Variants in FA2H observed in about 807,000 individuals in gnomAD.
The protein encoded by FA2H is fatty acid alpha-hydroxylase.
Under a neutral mutation model 44.9 loss-of-function variants are expected in FA2H, and 22 were observed. The observed-to-expected ratio is 0.49, with a 90% CI of 0.35 to 0.70. The LOEUF (loss-of-function observed/expected upper bound fraction) is 0.70, where lower values mean the gene tolerates loss of function less well. Among genes scored for constraint, FA2H ranks in the 30% least tolerant of loss-of-function variants. The pLI is 0.01. For synonymous variants in FA2H, 243 were observed against 213.2 expected (o/e 1.14, Z -1.22); for missense variants, 501 against 504.9 (o/e 0.99, Z 0.07).
intron 2 of FA2H, among the ~76,000 whole-genome samples, chr16:74,732,472 T>C (rs1270374328): frequency 6.6e-6 from 1 of 152,020 alleles, no homozygotes; most frequent in African/African-American, 2.4e-5. Context: ...AGTCTCACTC[T>C]GTCACCCAGG....
chr16:74,759,551 C>A (rs1041510448), intron 1 of FA2H, among the ~76,000 whole-genome samples: 1 of 152,220 alleles, frequency 6.6e-6, no homozygotes, highest in African/African-American at 2.4e-5. Context: ...GTGTCACCCA[C>A]ATGTACTTCC....
chr16:74,725,630 C>A (rs1418197750), intron 4 of FA2H, among the ~76,000 whole-genome samples: 1 of 152,182 alleles, frequency 6.6e-6, no homozygotes, highest in Admixed American at 6.5e-5. Flanking sequence ...AATGACAGGA[C>A]CCTTCTTATG....
chr16:74,764,357 GTACATATACACCATGGAATACTA>G (rs1962767437), intron 1 of FA2H, among the ~76,000 whole-genome samples: 1 of 152,120 alleles, frequency 6.6e-6, no homozygotes, highest in Non-Finnish European at 1.5e-5. Flanking sequence ...AGAAAATGTG[GTACATATACACCATGGAATACTA>G]TACAGCCACA....
chr16:74,746,062 C>T (rs968952288), intron 1 of FA2H, among the ~76,000 whole-genome samples: 1 of 151,460 alleles, frequency 6.6e-6, no homozygotes, highest in African/African-American at 2.4e-5. Context: ...CCGCCTCGGC[C>T]TCCTTGGGAT....
chr16:74,719,212 AGCTCCAGGTGTC>A, intron 4 of FA2H, 52 bp from the exon 5 acceptor site: 1 of 1,538,428 alleles, frequency 6.5e-7, no homozygotes, highest in Non-Finnish European at 8.9e-7. Context: ...GCAGCCTGGT[AGCTCCAGGTGTC>A]CCTGCCTCAC....
At chr16:74,744,786 A>G (rs1054915500) in intron 1 of FA2H, among the ~76,000 whole-genome samples, 6 of 151,912 alleles carry the variant, frequency 3.9e-5, no homozygotes, top group Non-Finnish European at 7.4e-5. Context: ...GGGTCTTGCT[A>G]TGTTGCCCAG....
intron 1 of FA2H, among the ~76,000 whole-genome samples, chr16:74,767,387 C>G (rs1962829108): frequency 1.3e-5 from 2 of 152,034 alleles, no homozygotes; most frequent in South Asian, 4.1e-4. Flanking sequence ...ACAATGGAGA[C>G]TGAGAAGTCA....
intron 3 of FA2H, 44 bp downstream of exon 3, chr16:74,727,200 C>G: frequency 6.2e-7 from 1 of 1,613,338 alleles, no homozygotes; most frequent in Non-Finnish European, 8.5e-7. Flanking sequence ...TTGGCACCGT[C>G]AGAAGAGAGG....
chr16:74,774,423 C>T, intron 1 of FA2H, 63 bp downstream of exon 1: 5 of 1,433,690 alleles, frequency 3.5e-6, no homozygotes, highest in Non-Finnish European at 4.6e-6. Flanking sequence ...GAACGGGGCT[C>T]GCCCGGGAGT....
chr16:74,727,287 G>T lies in FA2H; in HGVS notation c.463C>A (p.Leu155Ile). ...VHQPVTRPIR[L>I]FHSDLIEGLS... ...CCCTCAATGAGGTCTGAGTGGAAGA[G>T]GCGGATGGGCCTGGTCACCGGCTGG... Residue 155 changes from leucine to isoleucine, a missense_variant, in exon 3 of 7, where the codon CTC (leucine) becomes ATC (isoleucine). Physicochemically the swap from Leu to Ile is conservative, Grantham distance 5 (BLOSUM62 2). Transcript: ENST00000219368. 1.9e-6 allele frequency: 3 copies of T among 1,614,188 alleles called. No homozygotes were observed. Among genetic ancestry groups the T allele is most frequent in the Non-Finnish European group, 2.5e-6 (3 of 1,180,028 alleles).
chr16:74,714,171 A>G lies in FA2H; in HGVS notation c.*19T>C, dbSNP rs993249806. On this transcript the variant is annotated 3_prime_UTR_variant, in exon 7 of 7. Coordinates refer to ENST00000219368, the MANE Select transcript of FA2H (RefSeq NM_024306.5). Reference sequence around the variant, plus strand: ...GGGCCAGGGCCGGGCTGAGGGCAGGACGGAGGGGGTGGGAGTTGTCACTGC... The same window carrying G: ...GGGCCAGGGCCGGGCTGAGGGCAGGGCGGAGGGGGTGGGAGTTGTCACTGC... 2.6e-6 allele frequency: 4 copies of G among 1,520,414 alleles called. No individual in the cohort carries two copies. The Admixed American group carries it at 7.8e-5, about 30-fold the overall frequency. 94.2% of individuals were successfully genotyped at this position (1,520,414 alleles called of 1,614,324 possible).
intron 1 of FA2H, among the ~76,000 whole-genome samples, chr16:74,754,251 C>T (rs1962576956): frequency 6.6e-6 from 1 of 152,098 alleles, no homozygotes; most frequent in African/African-American, 2.4e-5. Flanking sequence ...CAAAAATTAG[C>T]CAGGTGTGGT....
chr16:74,725,975 A>T, intron 4 of FA2H: 3 of 474,632 alleles, frequency 6.3e-6, no homozygotes, highest in Non-Finnish European at 1.2e-5. Flanking sequence ...CTCTTTTTTT[A>T]TTGCTATGCC....
At chr16:74,722,634 C>T (rs991777038) in intron 4 of FA2H, among the ~76,000 whole-genome samples, 3 of 151,002 alleles carry the variant, frequency 2.0e-5, no homozygotes, top group Admixed American at 6.6e-5. Context: ...TCTTCTGGGC[C>T]GGATGCAGTG....
chr16:74,733,115 T>C (rs1962106074), intron 2 of FA2H, among the ~76,000 whole-genome samples: 1 of 152,206 alleles, frequency 6.6e-6, no homozygotes, highest in Non-Finnish European at 1.5e-5. Flanking sequence ...TAGCCTACGC[T>C]GTGTCTCCAC....
intron 1 of FA2H, among the ~76,000 whole-genome samples, chr16:74,762,340 G>T (rs1201988876): frequency 6.6e-6 from 1 of 152,120 alleles, no homozygotes; most frequent in Non-Finnish European, 1.5e-5. Context: ...ACCGTGCCCG[G>T]CCCATACAAT....
intron 1 of FA2H, among the ~76,000 whole-genome samples, chr16:74,772,577 A>T (rs1219258197): frequency 6.6e-6 from 1 of 152,206 alleles, no homozygotes; most frequent in South Asian, 2.1e-4. Context: ...GGATGACCCA[A>T]TGAAAAGCCA....
chr16:74,726,664 G>C (rs559038935), intron 3 of FA2H, among the ~76,000 whole-genome samples: 4 of 152,236 alleles, frequency 2.6e-5, no homozygotes, highest in African/African-American at 9.6e-5. Context: ...TGGGATTACA[G>C]GCGTGAGCCA....
chr16:74,766,119 T>A (rs1962804611), intron 1 of FA2H, among the ~76,000 whole-genome samples: 1 of 151,960 alleles, frequency 6.6e-6, no homozygotes, highest in South Asian at 2.1e-4. Flanking sequence ...GCAAACATGG[T>A]GAAACCCTGT....
Sources: allele counts gnomAD v4.1 joint callset (sites outside exome capture counted in the v4.1 genomes callset), GRCh38; gene constraint gnomAD v4.1.1; transcripts MANE v1.5; gene names NCBI Gene and HGNC (gene_info 2026-07-23, HGNC 2026-07-21).